Variants in NR3C1 observed in about 807,000 individuals in gnomAD.
The protein encoded by NR3C1 is glucocorticoid receptor.
NR3C1 carries 14 observed loss-of-function variants against 74.0 expected under a neutral mutation model. The ratio of observed to expected loss-of-function variants is 0.19; its 90% confidence interval spans 0.12 to 0.30. NR3C1 has a LOEUF of 0.30. Ranked by LOEUF, NR3C1 falls within the 10% of genes least tolerant of loss-of-function variation. NR3C1 has a pLI of 1.00. For missense variants in NR3C1, 695 were observed against 909.8 expected (o/e 0.76, Z 3.04); for synonymous variants, 308 against 332.5 (o/e 0.93, Z 0.80).
chr5:143,404,847 C>T (rs945917524), upstream of NR3C1, among the ~76,000 whole-genome samples: 2 of 152,194 alleles, frequency 1.3e-5, no homozygotes, highest in African/African-American at 4.8e-5. Context: ...GCCCCACCCC[C>T]GAATCTTGAC....
intron 1 of NR3C1, among the ~76,000 whole-genome samples, chr5:143,430,774 C>G (rs1751779147): frequency 6.6e-6 from 1 of 152,106 alleles, no homozygotes; most frequent in Non-Finnish European, 1.5e-5. Flanking sequence ...TTTAAGCCAC[C>G]AAATCTATGG....
chr5:143,395,168 C>T (rs1838965594), intron 2 of NR3C1, among the ~76,000 whole-genome samples: 1 of 151,908 alleles, frequency 6.6e-6, no homozygotes, highest in African/African-American at 2.4e-5. Flanking sequence ...ACACATAATT[C>T]AACAGGGAAA....
chr5:143,300,633 C>T lies in NR3C1; in HGVS notation c.1599G>A (p.Val533=), dbSNP rs759347522. ...CAGGTTCAATAACCTCCAACAGTGA[C>T]ACCAGGGTAGGGGTGAGTTGTGGTA... ...ATLPQLTPTL[V]SLLEVIEPEV... The change falls in exon 5 of 9, where the codon GTG becomes GTA. Residue 533 remains valine (V), a synonymous_variant. Coordinates refer to ENST00000394464, the MANE Select transcript of NR3C1 (RefSeq NM_000176.3). This position sits in a 1 kb window ranked among gnomAD's most constrained non-coding sequence, Gnocchi z 5.2. The T allele has an allele frequency of 2.5e-6, 4 of 1,614,148 alleles. No homozygotes were observed. The South Asian group carries it at 3.3e-5, about 13-fold the overall frequency.
At chr5:143,329,073 A>C (rs1825302011) in intron 2 of NR3C1, among the ~76,000 whole-genome samples, 1 of 152,278 alleles carries the variant, frequency 6.6e-6, no homozygotes, top group Admixed American at 6.5e-5. Context: ...TTTTTACACT[A>C]CTATAAAGAA....
At chr5:143,404,561 CAGA>C (rs796817133), upstream of NR3C1, 49 of 945,996 alleles carry the variant, frequency 5.2e-5, no homozygotes, top group South Asian at 9.8e-5. Flanking sequence ...GCGGCGGCGG[CAGA>C]AGGAGGCGCC....
chr5:143,384,182 C>T (rs1196372850), intron 2 of NR3C1, among the ~76,000 whole-genome samples: 6 of 152,118 alleles, frequency 3.9e-5, no homozygotes, highest in South Asian at 2.1e-4. Flanking sequence ...TGAGAACTCA[C>T]GATCATGAGA....
At position 143,285,608 on chromosome 5, in the gene NR3C1, C is replaced by CATATCTGGAGA. The variant is rs577690536; in HGVS notation, c.2024-2894_2024-2884dup. ...GATTAAAATAGAAGTCAGTAACAAA[C>CATATCTGGAGA]ATATCTGGAGAAAAACCCAAATGTT... is the stretch of plus-strand genomic sequence containing the variant. On this transcript the variant is annotated intron_variant, in intron 7 of 8. Coordinates refer to ENST00000394464, the MANE Select transcript of NR3C1 (RefSeq NM_000176.3). 3.5e-3 allele frequency among the ~76,000 whole-genome samples: 526 copies of CATATCTGGAGA among 152,162 alleles called. 10 individuals carry two copies. The highest frequency in any genetic ancestry group is 1.5e-3 in the South Asian group (7 of 4,824).
intron 7 of NR3C1, among the ~76,000 whole-genome samples, chr5:143,287,883 C>CA (rs1276241464): frequency 6.6e-6 from 1 of 152,116 alleles, no homozygotes; most frequent in African/African-American, 2.4e-5. Flanking sequence ...TATTAGAACA[C>CA]AAGCATTCAC....
intron 7 of NR3C1, chr5:143,294,293 T>A (rs1490022273): frequency 7.3e-6 from 7 of 960,150 alleles, no homozygotes; most frequent in Non-Finnish European, 8.7e-6. Flanking sequence ...TATTTGTATA[T>A]GAAAGAGGTA....
At chr5:143,337,839 TA>T (rs1827439312) in intron 2 of NR3C1, among the ~76,000 whole-genome samples, 1 of 152,136 alleles carries the variant, frequency 6.6e-6, no homozygotes, top group Admixed American at 6.5e-5. Flanking sequence ...ATATAGGTAG[TA>T]AGAAAAACAA....
chr5:143,321,894 T>TTCTA (rs1291145212), intron 2 of NR3C1, among the ~76,000 whole-genome samples: 4 of 152,224 alleles, frequency 2.6e-5, no homozygotes, highest in Non-Finnish European at 5.9e-5. Flanking sequence ...TGTATCCTGT[T>TTCTA]TCTATCAATA....
chr5:143,307,918 A>G (rs1819988897), intron 4 of NR3C1, among the ~76,000 whole-genome samples: 1 of 152,210 alleles, frequency 6.6e-6, no homozygotes. Flanking sequence ...TGCATTTTTT[A>G]GTTAATCTCT....
intron 2 of NR3C1, among the ~76,000 whole-genome samples, chr5:143,389,398 G>A (rs903747935): frequency 4.6e-5 from 7 of 152,238 alleles, no homozygotes; most frequent in Non-Finnish European, 7.4e-5. Flanking sequence ...ACATAATAAC[G>A]TAGCTAGGTT....
intron 2 of NR3C1, among the ~76,000 whole-genome samples, chr5:143,314,975 T>A (rs1821768284): frequency 6.6e-6 from 1 of 152,176 alleles, no homozygotes; most frequent in South Asian, 2.1e-4. Flanking sequence ...TCTTACTAGG[T>A]CTCTAACATT....
chr5:143,306,104 TA>T (rs200011088), intron 4 of NR3C1, among the ~76,000 whole-genome samples: 1 of 151,328 alleles, frequency 6.6e-6, no homozygotes, highest in Admixed American at 6.6e-5. Context: ...GCAAGTTTTT[TA>T]AAAAAAAACA....
intron 2 of NR3C1, among the ~76,000 whole-genome samples, chr5:143,336,039 C>A (rs1827061432): frequency 6.6e-6 from 1 of 152,210 alleles, no homozygotes; most frequent in Non-Finnish European, 1.5e-5. Context: ...GCCTATTTCT[C>A]TGTTGGGGTG....
At chr5:143,356,802 T>G (rs1439974084) in intron 2 of NR3C1, among the ~76,000 whole-genome samples, 1 of 152,196 alleles carries the variant, frequency 6.6e-6, no homozygotes, top group African/African-American at 2.4e-5. Context: ...GATCATCAGA[T>G]GTACGTTACT....
At chr5:143,356,755 A>G (rs1398564950) in intron 2 of NR3C1, among the ~76,000 whole-genome samples, 1 of 152,002 alleles carries the variant, frequency 6.6e-6, no homozygotes, top group Non-Finnish European at 1.5e-5. Context: ...ACTTCTTTAT[A>G]AACATATACT....
At chr5:143,293,386 G>C (rs1816388850) in intron 7 of NR3C1, among the ~76,000 whole-genome samples, 1 of 152,106 alleles carries the variant, frequency 6.6e-6, no homozygotes. Flanking sequence ...GTTGGGGAGG[G>C]GATGAGGGAT....
Sources: allele counts gnomAD v4.1 joint callset (sites outside exome capture counted in the v4.1 genomes callset), GRCh38; gene constraint gnomAD v4.1.1; non-coding constraint Gnocchi (gnomAD v3.1); transcripts MANE v1.5; gene names NCBI Gene and HGNC (gene_info 2026-07-23, HGNC 2026-07-21).